The following EPB41 variants were observed in gnomAD, a reference collection of about 807,000 sequenced individuals.
EPB41 encodes the protein protein 4.1.
EPB41 carries 65 observed loss-of-function variants against 108.0 expected under a neutral mutation model. That is an observed-to-expected ratio of 0.60 (90% CI 0.49 to 0.74). The LOEUF (loss-of-function observed/expected upper bound fraction) is 0.74. Ranked by LOEUF, EPB41 falls within the 30% of genes least tolerant of loss-of-function variation. The pLI is 0.00. For missense variants in EPB41, 875 were observed against 1,037.0 expected, an observed-to-expected ratio of 0.84 and a Z score of 2.15; for synonymous variants, 336 against 358.9, an observed-to-expected ratio of 0.94 and a Z score of 0.72.
At chr1:28,998,895 C>T (rs1205274242) in intron 4 of EPB41, among the ~76,000 whole-genome samples, 1 of 152,186 alleles carries the variant, frequency 6.6e-6, no homozygotes, top group Non-Finnish European at 1.5e-5. Flanking sequence ...AAAATCATAA[C>T]ATCACTTTCT....
intron 5 of EPB41, among the ~76,000 whole-genome samples, chr1:29,014,358 T>C (rs2096549746): frequency 6.6e-6 from 1 of 151,960 alleles, no homozygotes; most frequent in South Asian, 2.1e-4. Context: ...ATTACAAGTA[T>C]GTTATATGTA....
chr1:29,069,176 A>G, intron 16 of EPB41: 1 of 1,231,472 alleles, frequency 8.1e-7, no homozygotes, highest in East Asian at 3.2e-5. Context: ...TCCCCTAGCT[A>G]CTTTCTCCCT....
chr1:28,935,976 A>C (rs2094006966), intron 1 of EPB41, among the ~76,000 whole-genome samples: 1 of 151,706 alleles, frequency 6.6e-6, no homozygotes, highest in Non-Finnish European at 1.5e-5. Context: ...AAATATCCTT[A>C]GCCTAGCTTC....
intron 16 of EPB41, among the ~76,000 whole-genome samples, chr1:29,066,734 C>G (rs961333022): frequency 2.0e-5 from 3 of 152,030 alleles, no homozygotes; most frequent in African/African-American, 7.2e-5. Flanking sequence ...AATGCAATGG[C>G]ACGATCTTGG....
chr1:29,106,434 ATTGC>A (rs1667158083), intron 17 of EPB41, among the ~76,000 whole-genome samples: 2 of 151,598 alleles, frequency 1.3e-5, no homozygotes, highest in African/African-American at 4.8e-5. Context: ...ATATTCCCAT[ATTGC>A]TTTTATTTTT....
chr1:28,955,771 A>C (rs945654977), intron 1 of EPB41, among the ~76,000 whole-genome samples: 3 of 152,194 alleles, frequency 2.0e-5, no homozygotes, highest in Non-Finnish European at 4.4e-5. Context: ...GAGTCAGAGG[A>C]GACTGGACAG....
At chr1:29,010,273 A>C (rs2096478231) in intron 4 of EPB41, among the ~76,000 whole-genome samples, 3 of 152,188 alleles carry the variant, frequency 2.0e-5, no homozygotes, top group South Asian at 4.1e-4. Flanking sequence ...CGGGAGGCGG[A>C]GGTTGCAGAG....
intron 1 of EPB41, among the ~76,000 whole-genome samples, chr1:28,961,644 CAT>C (rs1217685839): frequency 2.0e-5 from 3 of 152,154 alleles, no homozygotes; most frequent in Non-Finnish European, 4.4e-5. Flanking sequence ...CATGTCCTTC[CAT>C]GTGTGTGGGA....
intron 1 of EPB41, among the ~76,000 whole-genome samples, chr1:28,951,373 C>T (rs1460443248): frequency 1.3e-5 from 2 of 150,922 alleles, no homozygotes; most frequent in Non-Finnish European, 2.9e-5. Flanking sequence ...CACACACACA[C>T]ACACACACAC....
At chr1:28,952,544 T>TA (rs570264855) in intron 1 of EPB41, among the ~76,000 whole-genome samples, 10 of 151,464 alleles carry the variant, frequency 6.6e-5, no homozygotes, top group Admixed American at 5.3e-4. Flanking sequence ...TAATAATAAT[T>TA]AAAAAAAAGT....
At chr1:28,954,072 T>A (rs1345251326) in intron 1 of EPB41, among the ~76,000 whole-genome samples, 1 of 152,210 alleles carries the variant, frequency 6.6e-6, no homozygotes, top group Non-Finnish European at 1.5e-5. Context: ...GCATCTATAT[T>A]TTAACATGTT....
At chr1:29,040,321 C>T (rs780149482) in intron 11 of EPB41, among the ~76,000 whole-genome samples, 3 of 151,660 alleles carry the variant, frequency 2.0e-5, no homozygotes, top group Non-Finnish European at 2.9e-5. Flanking sequence ...ACTCTGTGGC[C>T]CAGGCTGGAG....
intron 19 of EPB41, among the ~76,000 whole-genome samples, chr1:29,114,236 C>A (rs747777141): frequency 4.6e-5 from 7 of 152,186 alleles, no homozygotes; most frequent in Non-Finnish European, 1.5e-5. Flanking sequence ...TCCCTCTGCT[C>A]TCTTTAGCTT....
chr1:29,096,625 G>T (rs569203750), intron 16 of EPB41: 2 of 978,742 alleles, frequency 2.0e-6, no homozygotes, highest in African/African-American at 1.8e-5. Flanking sequence ...ATTCAATGAT[G>T]CAGGTCTAAT....
chr1:29,070,373 C>T (rs761199559), intron 16 of EPB41: 102 of 1,231,906 alleles, frequency 8.3e-5, no homozygotes, highest in East Asian at 1.3e-4. Context: ...GACACAGGAA[C>T]GTGCTCTGTT....
chr1:28,940,309 G>A (rs977179237), intron 1 of EPB41, among the ~76,000 whole-genome samples: 1 of 152,216 alleles, frequency 6.6e-6, no homozygotes, highest in East Asian at 1.9e-4. Context: ...AGTGTTTCTT[G>A]GGAAATGGTT....
At chr1:29,037,941 CA>C (rs1199987720) in intron 10 of EPB41, among the ~76,000 whole-genome samples, 3 of 152,124 alleles carry the variant, frequency 2.0e-5, no homozygotes, top group South Asian at 2.1e-4. Context: ...ATTATCACCC[CA>C]AAGCCAATCT....
At chr1:28,909,418 T>C (rs2092097161) in intron 1 of EPB41, among the ~76,000 whole-genome samples, 1 of 151,748 alleles carries the variant, frequency 6.6e-6, no homozygotes, top group Non-Finnish European at 1.5e-5. Flanking sequence ...CAGTGAGTTA[T>C]AATTGCACAG....
intron 1 of EPB41, among the ~76,000 whole-genome samples, chr1:28,983,267 G>A (rs2095799350): frequency 6.6e-6 from 1 of 152,186 alleles, no homozygotes; most frequent in Admixed American, 6.5e-5. Flanking sequence ...TAATTAACAA[G>A]GATTTATTTG....
Sources: gnomAD v4.1 joint callset for allele counts (sites outside exome capture counted in the v4.1 genomes callset) on GRCh38, gnomAD v4.1.1 for gene constraint, MANE v1.5 for transcripts, NCBI Gene and HGNC (gene_info 2026-07-23, HGNC 2026-07-21) for gene names.